ODAD2: variants seen among roughly 807,000 people sequenced by gnomAD.
ODAD2 encodes the protein outer dynein arm-docking complex subunit 2.
In ODAD2, 89 loss-of-function variants were observed where a neutral mutation model predicts 106.8. The observed-to-expected ratio is 0.83, with a 90% CI of 0.70 to 0.99. The LOEUF (loss-of-function observed/expected upper bound fraction) is 0.99. ODAD2 is among the 50% of genes least tolerant of loss of function. ODAD2 has a pLI of 0.00. For missense variants in ODAD2, 1,168 were observed against 1,238.5 expected (o/e 0.94, Z 0.85); for synonymous variants, 404 against 436.2 (o/e 0.93, Z 0.92).
chr10:27,918,380 T>C (rs1346600764), intron 16 of ODAD2, among the ~76,000 whole-genome samples: 1 of 151,960 alleles, frequency 6.6e-6, no homozygotes, highest in East Asian at 1.9e-4. Flanking sequence ...AAACAAATCA[T>C]GGTGAGTCAC....
chr10:27,984,002 T>C (rs1460542117), intron 5 of ODAD2, 23 bp from the exon 6 acceptor site: 25 of 1,602,878 alleles, frequency 1.6e-5, no homozygotes, highest in Middle Eastern at 1.7e-4. Context: ...ATCAAGCAAT[T>C]AACAGGAGTT....
At chr10:27,814,095 T>C (rs1197324614) in intron 19 of ODAD2, among the ~76,000 whole-genome samples, 1 of 152,142 alleles carries the variant, frequency 6.6e-6, no homozygotes, top group African/African-American at 2.4e-5. Flanking sequence ...CATGAAAAAT[T>C]AGGCTCACAG....
chr10:27,892,745 A>C (rs1842639389), intron 17 of ODAD2, among the ~76,000 whole-genome samples: 1 of 152,226 alleles, frequency 6.6e-6, no homozygotes, highest in African/African-American at 2.4e-5. Flanking sequence ...TACACTGTGA[A>C]TCTTTATTTC....
At chr10:27,942,834 A>G (rs1375341686) in intron 12 of ODAD2, among the ~76,000 whole-genome samples, 1 of 152,202 alleles carries the variant, frequency 6.6e-6, no homozygotes, top group Non-Finnish European at 1.5e-5. Flanking sequence ...CCATCTATTC[A>G]TCCATCTATC....
At chr10:27,846,346 G>C (rs1381529390) in intron 19 of ODAD2, among the ~76,000 whole-genome samples, 1 of 152,116 alleles carries the variant, frequency 6.6e-6, no homozygotes, top group Non-Finnish European at 1.5e-5. Flanking sequence ...TGAAATGAAG[G>C]CAGAAATAAA....
chr10:27,827,307 GAAC>G (rs1389008494), intron 19 of ODAD2, among the ~76,000 whole-genome samples: 1 of 149,664 alleles, frequency 6.7e-6, no homozygotes, highest in Non-Finnish European at 1.5e-5. Flanking sequence ...ATTATTTCAT[GAAC>G]TACTGCTCTC....
chr10:27,816,424 C>T lies in ODAD2; in HGVS notation c.3022-3799G>A, dbSNP rs563139696. Among the ~76,000 whole-genome samples the T allele has an allele frequency of 3.3e-5, 5 of 152,192 alleles. No homozygotes were observed. The East Asian group carries it at 5.8e-4, about 18-fold the overall frequency. ...TTGTATCATTCCTTTTCTCCAGCAT[C>T]GTTCAATATCCTAGGCATAACACAG... is the stretch of plus-strand genomic sequence containing the variant. On this transcript the variant is annotated intron_variant, in intron 19 of 19. Coordinates refer to ENST00000305242, the MANE Select transcript of ODAD2 (RefSeq NM_018076.5).
At chr10:27,832,177 T>C (rs1384125251) in intron 19 of ODAD2, among the ~76,000 whole-genome samples, 2 of 152,224 alleles carry the variant, frequency 1.3e-5, no homozygotes, top group African/African-American at 4.8e-5. Context: ...CCTCGGAACC[T>C]TTCACTGATT....
intron 17 of ODAD2, among the ~76,000 whole-genome samples, chr10:27,883,454 A>C (rs891195309): frequency 6.6e-6 from 1 of 152,190 alleles, no homozygotes; most frequent in African/African-American, 2.4e-5. Flanking sequence ...TTCATATTTA[A>C]TTATTTAAAA....
At chr10:27,961,537 T>C in intron 10 of ODAD2, 31 bp downstream of exon 10, 5 of 1,576,924 alleles carry the variant, frequency 3.2e-6, no homozygotes, top group African/African-American at 1.4e-5. Context: ...TAAATGAACA[T>C]TGCAAACATA....
rs1472629701 is a variant in ODAD2 at position 27,862,472 on chromosome 10, G to C, written c.2761C>G (p.His921Asp). The change falls in exon 18 of 20, where the codon CAT becomes GAT. Residue 921 changes from histidine (H) to aspartate (D), a missense_variant. By Grantham distance (81) the His-to-Asp change is moderately conservative. Coordinates refer to ENST00000305242, the MANE Select transcript of ODAD2 (RefSeq NM_018076.5). Reference sequence around the variant, plus strand: ...TTGGACAATAAAGGAACAACTCCATGATCTGTGATAACAGCTAAATTTTCT... The same window carrying C: ...TTGGACAATAAAGGAACAACTCCATCATCTGTGATAACAGCTAAATTTTCT... The part of the protein sequence containing the change: ...DQENLAVITD[H>D]GVVPLLSKLA... 6.2e-7 allele frequency: 1 copy of C among 1,611,444 alleles called. No homozygotes were observed. The highest frequency in any genetic ancestry group is 1.1e-5 in the South Asian group (1 of 90,442).
chr10:27,950,266 ATTC>A (rs900477202), intron 10 of ODAD2, among the ~76,000 whole-genome samples: 50 of 152,310 alleles, frequency 3.3e-4, no homozygotes, highest in African/African-American at 1.1e-3. Flanking sequence ...GCTTAGAGAT[ATTC>A]TTCTTCTCCC....
intron 19 of ODAD2, among the ~76,000 whole-genome samples, chr10:27,819,645 T>C (rs1262676537): frequency 2.7e-5 from 4 of 146,698 alleles, no homozygotes; most frequent in Non-Finnish European, 6.0e-5. Flanking sequence ...GTAGTCTAGG[T>C]AGCTGGGTGG....
intron 19 of ODAD2, among the ~76,000 whole-genome samples, chr10:27,838,469 A>G (rs1442061834): frequency 6.6e-6 from 1 of 152,256 alleles, no homozygotes; most frequent in Non-Finnish European, 1.5e-5. Flanking sequence ...CAATGGAAAG[A>G]ATATATTTCT....
At chr10:27,926,828 G>A (rs1446050835) in intron 16 of ODAD2, among the ~76,000 whole-genome samples, 1 of 152,066 alleles carries the variant, frequency 6.6e-6, no homozygotes, top group East Asian at 1.9e-4. Flanking sequence ...AAACATAAAT[G>A]TTAATGGTTT....
chr10:27,975,718 C>T (rs1234804418), intron 7 of ODAD2, among the ~76,000 whole-genome samples: 1 of 152,072 alleles, frequency 6.6e-6, no homozygotes, highest in Non-Finnish European at 1.5e-5. Context: ...ATAAACCGAC[C>T]AAACATTTAA....
At chr10:27,920,490 A>G (rs1291244853) in intron 16 of ODAD2, among the ~76,000 whole-genome samples, 1 of 152,170 alleles carries the variant, frequency 6.6e-6, no homozygotes, top group East Asian at 1.9e-4. Context: ...ATAATCTTCA[A>G]ATTTAAAAAT....
chr10:27,979,768 T>C (rs182210369), intron 7 of ODAD2, among the ~76,000 whole-genome samples: 72 of 152,300 alleles, frequency 4.7e-4, no homozygotes, highest in African/African-American at 1.7e-3. Context: ...GAACTTAATA[T>C]GGTTAAGATG....
rs1839933144 is a variant in ODAD2 at position 27,860,093 on chromosome 10, G to T, written c.3021+532C>A. Among the ~76,000 whole-genome samples, 7 of 152,126 alleles carry T rather than the reference G, an allele frequency of 4.6e-5. No individual in the cohort carries two copies. In the South Asian group the frequency reaches 1.4e-3, roughly 32 times the overall value. ...AATTATGGAATGATTATTTTACTAA[G>T]TACATTTCTATGCTTTAATTTAGAA... is the stretch of plus-strand genomic sequence containing the variant. On this transcript the variant is annotated intron_variant, in intron 19 of 19. Transcript: ENST00000305242.
Sources: allele counts gnomAD v4.1 joint callset (sites outside exome capture counted in the v4.1 genomes callset), GRCh38; gene constraint gnomAD v4.1.1; transcripts MANE v1.5; gene names NCBI Gene and HGNC (gene_info 2026-07-23, HGNC 2026-07-21).